The following PPP1R12B variants were observed in gnomAD, a reference collection of about 807,000 sequenced individuals.
The protein encoded by PPP1R12B is protein phosphatase 1 regulatory subunit 12B, also known as myosin phosphatase target subunit 2.
A neutral mutation model predicts 126.1 loss-of-function variants in PPP1R12B; 76 were observed. The ratio of observed to expected loss-of-function variants is 0.60; its 90% confidence interval spans 0.50 to 0.73. The LOEUF (loss-of-function observed/expected upper bound fraction) is 0.73, where lower values mean the gene tolerates loss of function less well. Ranked by LOEUF, PPP1R12B falls within the 30% of genes least tolerant of loss-of-function variation. The pLI, the probability that PPP1R12B is intolerant of heterozygous loss-of-function variation, is 0.00. For synonymous variants in PPP1R12B, 356 were observed against 434.7 expected (o/e 0.82, Z 2.25); for missense variants, 1,052 against 1,205.1 (o/e 0.87, Z 1.88).
At chr1:202,350,358 T>C (rs956824851) in intron 1 of PPP1R12B, among the ~76,000 whole-genome samples, 1 of 152,156 alleles carries the variant, frequency 6.6e-6, no homozygotes, top group Admixed American at 6.5e-5. Context: ...CAGTGATCCT[T>C]TGAAGTAGGT....
chr1:202,558,590 T>C (rs1297705398), intron 18 of PPP1R12B: 2 of 319,428 alleles, frequency 6.3e-6, no homozygotes, highest in Non-Finnish European at 5.7e-6. Flanking sequence ...GGGCAGTTTT[T>C]GATCATTTTA....
At chr1:202,489,083 CT>C (rs1197721294) in intron 14 of PPP1R12B, among the ~76,000 whole-genome samples, 1 of 152,134 alleles carries the variant, frequency 6.6e-6, no homozygotes, top group Non-Finnish European at 1.5e-5. Flanking sequence ...AATGACTGCC[CT>C]ATTCCAGCCA....
chr1:202,432,782 T>C (rs1670346006), intron 8 of PPP1R12B, among the ~76,000 whole-genome samples: 1 of 152,254 alleles, frequency 6.6e-6, no homozygotes, highest in African/African-American at 2.4e-5. Context: ...ATGTTTCTGC[T>C]AGAGGGGAAA....
chr1:202,382,848 C>T (rs1224381335), intron 1 of PPP1R12B, among the ~76,000 whole-genome samples: 2 of 151,212 alleles, frequency 1.3e-5, no homozygotes, highest in East Asian at 3.9e-4. Flanking sequence ...TGCCCTCCAG[C>T]CTGGGGGACA....
intron 18 of PPP1R12B, chr1:202,502,360 A>C: frequency 1.1e-5 from 11 of 985,294 alleles, no homozygotes; most frequent in Non-Finnish European, 1.3e-5. Context: ...ACATGAAAGA[A>C]CACAATTGGA....
At chr1:202,472,668 T>C (rs534443717) in intron 13 of PPP1R12B, among the ~76,000 whole-genome samples, 26 of 152,328 alleles carry the variant, frequency 1.7e-4, no homozygotes, top group Non-Finnish European at 2.8e-4. Context: ...TTATCTAAGA[T>C]AGGTCACAGA....
rs747118424 is a variant in PPP1R12B at position 202,349,162 on chromosome 1, T to C, written c.291+20T>C. 7 of 1,612,728 alleles carry C rather than the reference T, an allele frequency of 4.3e-6. No individual in the cohort carries two copies. Among genetic ancestry groups the C allele is most frequent in the Non-Finnish European group, 5.9e-6 (7 of 1,179,760 alleles). On this transcript the variant is annotated intron_variant, in intron 1 of 23. Coordinates refer to ENST00000608999, the MANE Select transcript of PPP1R12B (RefSeq NM_002481.4). The stretch of plus-strand genomic sequence containing the variant: ...CACCAGGTAACTCCTTTCTTGGTCT[T>C]AGAGGCGTCCAGTCTCCTACAGATG...
chr1:202,393,616 A>C (rs1200753441), intron 1 of PPP1R12B, among the ~76,000 whole-genome samples: 1 of 152,190 alleles, frequency 6.6e-6, no homozygotes, highest in African/African-American at 2.4e-5. Flanking sequence ...TTCTTTCCTT[A>C]TTCTAGCATA....
rs1188498497 is a variant in PPP1R12B, at chr1:202,495,507, G to A, written c.2335+25G>A. On this transcript the variant is annotated intron_variant, in intron 16 of 23. Transcript: ENST00000608999. Reference sequence around the variant, plus strand: ...GGTATGTAGAACTTCAAAAGACACAGGCCCCTCCACAGTGCACATCCCCAG... The same window carrying A: ...GGTATGTAGAACTTCAAAAGACACAAGCCCCTCCACAGTGCACATCCCCAG... 3.1e-6 allele frequency: 5 copies of A among 1,607,766 alleles called. No individual in the cohort carries two copies. In the Admixed American group the frequency reaches 6.7e-5, roughly 22 times the overall value.
intron 1 of PPP1R12B, among the ~76,000 whole-genome samples, chr1:202,359,258 G>A (rs1571561970): frequency 6.6e-6 from 1 of 151,798 alleles, no homozygotes; most frequent in East Asian, 2.0e-4. Context: ...AGCCTCCCAA[G>A]TAGCTGGGAT....
chr1:202,520,599 A>C (rs1682674766), intron 18 of PPP1R12B, among the ~76,000 whole-genome samples: 1 of 152,222 alleles, frequency 6.6e-6, no homozygotes, highest in African/African-American at 2.4e-5. Context: ...ACAAATTCCA[A>C]ATAATGGAAA....
intron 1 of PPP1R12B, among the ~76,000 whole-genome samples, chr1:202,374,493 CTTTTTT>C (rs1160730172): frequency 5.6e-5 from 5 of 89,502 alleles, no homozygotes; most frequent in African/African-American, 1.7e-4. Flanking sequence ...TTGTCTCTCT[CTTTTTT>C]TTTTTTTTTT....
Position 202,591,061 on chromosome 1 carries a change from G to C in PPP1R12B, c.*10501G>C, listed in dbSNP as rs1175337896. Reference sequence around the variant, plus strand: ...TTTGTCTCTGCTGTGGGTGTGGAGAGTGGGAGGGCCCCAGAGAGAGCTGGA... The same window carrying C: ...TTTGTCTCTGCTGTGGGTGTGGAGACTGGGAGGGCCCCAGAGAGAGCTGGA... On this transcript the variant is annotated 3_prime_UTR_variant, in exon 24 of 24. Transcript: ENST00000608999. 1 of 152,338 alleles carries C rather than the reference G, an allele frequency of 6.6e-6. No homozygotes were observed. The highest frequency in any genetic ancestry group is 1.9e-4 in the East Asian group (1 of 5,180). The allele number at this position is 152,338 out of a possible 1,614,324, so 9.4% of individuals were successfully genotyped here.
At chr1:202,518,697 A>G (rs1368614283) in intron 18 of PPP1R12B, among the ~76,000 whole-genome samples, 1 of 152,042 alleles carries the variant, frequency 6.6e-6, no homozygotes, top group Admixed American at 6.6e-5. Context: ...GCTTTTCTTT[A>G]TTTCCCAAAT....
chr1:202,441,104 A>ACC (rs1266852216), intron 11 of PPP1R12B, among the ~76,000 whole-genome samples: 1 of 152,092 alleles, frequency 6.6e-6, no homozygotes, highest in Non-Finnish European at 1.5e-5. Flanking sequence ...TTTCTTAAGG[A>ACC]CCCCTAGTTC....
intron 18 of PPP1R12B, among the ~76,000 whole-genome samples, chr1:202,548,510 T>C (rs527432742): frequency 2.0e-5 from 3 of 151,958 alleles, no homozygotes; most frequent in Non-Finnish European, 4.4e-5. Flanking sequence ...ATAGGTGTGC[T>C]GGGGCCTCAC....
rs1489161776 is a variant in PPP1R12B, at chr1:202,588,993, G to A, written c.*8433G>A. Reference sequence around the variant, plus strand: ...GAACACTAGCACACTCTAGTACATGGGAAAGTTGAGGTCTAGGGAGGTGGT... The same window carrying A: ...GAACACTAGCACACTCTAGTACATGAGAAAGTTGAGGTCTAGGGAGGTGGT... On this transcript the variant is annotated 3_prime_UTR_variant, in exon 24 of 24. Transcript: ENST00000608999. 6.6e-6 allele frequency: 1 copy of A among 152,124 alleles called. No homozygotes were observed. The highest frequency in any genetic ancestry group is 2.4e-5 in the African/African-American group (1 of 41,400). 9.4% of individuals were successfully genotyped at this position (152,124 alleles called of 1,614,324 possible). A position where few individuals can be genotyped will look rare whatever the true frequency, so the allele number is the denominator to read the frequency against.
At chr1:202,435,569 G>A (rs2148672905) in intron 9 of PPP1R12B, among the ~76,000 whole-genome samples, 1 of 152,312 alleles carries the variant, frequency 6.6e-6, no homozygotes, top group African/African-American at 2.4e-5. Context: ...CCCTCCTTCT[G>A]TAACTTTGTG....
chr1:202,439,210 C>T, intron 10 of PPP1R12B: 1 of 1,443,090 alleles, frequency 6.9e-7, no homozygotes, highest in Non-Finnish European at 9.7e-7. Context: ...CAGCCCTGTG[C>T]TCCTGCAGCC....
Sources: allele counts gnomAD v4.1 joint callset (sites outside exome capture counted in the v4.1 genomes callset), GRCh38; gene constraint gnomAD v4.1.1; transcripts MANE v1.5; gene names NCBI Gene and HGNC (gene_info 2026-07-23, HGNC 2026-07-21).